REDIC1: variants seen among roughly 807,000 people sequenced by gnomAD.
REDIC1 encodes HEI10 Interacting Protein 1.
the REDIC1 span, among the ~76,000 whole-genome samples, chr12:39,711,959 ATATC>A: frequency 0.01 from 1,330 of 129,430 alleles, 32 homozygotes; most frequent in African/African-American, 0.034. Flanking sequence ...ACATACATAT[ATATC>A]TATGTATATA....
At chr12:39,842,560 C>G in the REDIC1 span, among the ~76,000 whole-genome samples, 7 of 151,984 alleles carry the variant, frequency 4.6e-5, no homozygotes, top group Non-Finnish European at 1.0e-4. Context: ...AAAATGGAGG[C>G]AGAAAGTTCT....
At chr12:39,715,876 G>T in the REDIC1 span, among the ~76,000 whole-genome samples, 2 of 151,908 alleles carry the variant, frequency 1.3e-5, no homozygotes, top group African/African-American at 4.8e-5. Flanking sequence ...TGTTAGTAGT[G>T]ATATTCTACC....
the REDIC1 span, among the ~76,000 whole-genome samples, chr12:39,687,196 A>C: frequency 6.6e-6 from 1 of 152,280 alleles, no homozygotes; most frequent in Non-Finnish European, 1.5e-5. Context: ...CCCATTACCA[A>C]GTTCCAAAAT....
the REDIC1 span, among the ~76,000 whole-genome samples, chr12:39,711,674 T>C: frequency 1.5e-5 from 2 of 135,226 alleles, no homozygotes; most frequent in Non-Finnish European, 3.3e-5. Context: ...TACACATGTA[T>C]GTGTGTATGC....
At chr12:39,689,357 A>AAAACAAT in the REDIC1 span, among the ~76,000 whole-genome samples, 1 of 152,174 alleles carries the variant, frequency 6.6e-6, no homozygotes, top group Non-Finnish European at 1.5e-5. Flanking sequence ...ATACTTTTTA[A>AAAACAAT]AAACAATACC....
At chr12:39,652,088 T>A in the REDIC1 span, among the ~76,000 whole-genome samples, 1 of 152,176 alleles carries the variant, frequency 6.6e-6, no homozygotes, top group Admixed American at 6.5e-5. Context: ...AGTTCATTCC[T>A]TTTTATTGCA....
At chr12:39,861,294 G>A in the REDIC1 span, among the ~76,000 whole-genome samples, 2 of 152,244 alleles carry the variant, frequency 1.3e-5, no homozygotes, top group East Asian at 1.9e-4. Context: ...CACTGTTTAA[G>A]GCATTTTCCA....
At chr12:39,722,233 C>T in the REDIC1 span, among the ~76,000 whole-genome samples, 1 of 152,050 alleles carries the variant, frequency 6.6e-6, no homozygotes, top group Admixed American at 6.6e-5. Context: ...TTTGGAGACA[C>T]CAACAGCTAA....
chr12:39,758,556 T>C, the REDIC1 span: 1 of 152,078 alleles, frequency 6.6e-6, no homozygotes, highest in East Asian at 1.9e-4. Context: ...TCAAGTAATT[T>C]TGTACATACT....
At chr12:39,870,656 A>T in the REDIC1 span, among the ~76,000 whole-genome samples, 9 of 152,164 alleles carry the variant, frequency 5.9e-5, no homozygotes, top group African/African-American at 2.2e-4. Flanking sequence ...GTCTTAGTTC[A>T]GTATATATCC....
the REDIC1 span, among the ~76,000 whole-genome samples, chr12:39,762,220 C>T: frequency 6.6e-6 from 1 of 152,018 alleles, no homozygotes; most frequent in African/African-American, 2.4e-5. Context: ...ATGGTCAAAT[C>T]AGTCACTATC....
the REDIC1 span, among the ~76,000 whole-genome samples, chr12:39,905,168 A>T: frequency 6.6e-6 from 1 of 152,142 alleles, no homozygotes; most frequent in Admixed American, 6.6e-5. Context: ...AACAACTAAG[A>T]AAAATGCTTT....
At chr12:39,712,327 TG>T in the REDIC1 span, among the ~76,000 whole-genome samples, 3 of 120,666 alleles carry the variant, frequency 2.5e-5, no homozygotes, top group Admixed American at 1.8e-4. Context: ...TATATACATA[TG>T]TTTATATACC....
At chr12:39,850,672 C>A in the REDIC1 span, among the ~76,000 whole-genome samples, 34 of 152,242 alleles carry the variant, frequency 2.2e-4, no homozygotes, top group African/African-American at 8.2e-4. Context: ...TAGCACAACA[C>A]ATAATTGTAA....
the REDIC1 span, among the ~76,000 whole-genome samples, chr12:39,712,289 TATGTATATATAC>T: frequency 1.7e-5 from 2 of 117,232 alleles, no homozygotes; most frequent in South Asian, 2.8e-4. Context: ...TATATACCTG[TATGTATATATAC>T]ATACATATAT....
the REDIC1 span, among the ~76,000 whole-genome samples, chr12:39,711,052 C>G: frequency 6.6e-6 from 1 of 151,498 alleles, no homozygotes; most frequent in Non-Finnish European, 1.5e-5. Flanking sequence ...TCCTCCCACT[C>G]TTCCCCCCAA....
At chr12:39,758,535 T>C in the REDIC1 span, 1 of 151,976 alleles carries the variant, frequency 6.6e-6, no homozygotes, top group South Asian at 2.1e-4. Flanking sequence ...AACTAGCAAG[T>C]AATTTTGTGA....
the REDIC1 span, among the ~76,000 whole-genome samples, chr12:39,654,383 C>T: frequency 6.6e-6 from 1 of 151,962 alleles, no homozygotes; most frequent in East Asian, 1.9e-4. Context: ...GTCAGGAGAT[C>T]GAGATCATCC....
the REDIC1 span, among the ~76,000 whole-genome samples, chr12:39,831,381 C>T: frequency 6.6e-6 from 1 of 152,048 alleles, no homozygotes; most frequent in East Asian, 1.9e-4. Context: ...TCAGTCAGCA[C>T]AGACTTATTA....
Sources: gnomAD v4.1 joint callset for allele counts (sites outside exome capture counted in the v4.1 genomes callset) on GRCh38, gnomAD v4.1.1 for gene constraint, MANE v1.5 for transcripts, NCBI Gene and HGNC (gene_info 2026-07-23, HGNC 2026-07-21) for gene names.